MYNN: variants seen among roughly 807,000 people sequenced by gnomAD.
MYNN encodes myoneurin, also known as zinc finger and BTB domain-containing protein 31.
Under a neutral mutation model 57.2 loss-of-function variants are expected in MYNN, and 22 were observed. The observed-to-expected ratio is 0.38, with a 90% CI of 0.27 to 0.55. The LOEUF (loss-of-function observed/expected upper bound fraction) is 0.55. Among genes scored for constraint, MYNN ranks in the 20% least tolerant of loss-of-function variants. The pLI, the probability that MYNN is intolerant of heterozygous loss-of-function variation, is 0.71. For missense variants in MYNN, 566 were observed against 723.1 expected, an observed-to-expected ratio of 0.78 and a Z score of 2.49; for synonymous variants, 241 against 257.1, an observed-to-expected ratio of 0.94 and a Z score of 0.60.
At chr3:169,784,029 G>A (rs897880205) in intron 6 of MYNN, among the ~76,000 whole-genome samples, 1 of 151,956 alleles carries the variant, frequency 6.6e-6, no homozygotes, top group Non-Finnish European at 1.5e-5. Flanking sequence ...CTTTGAAAGA[G>A]TACTGTTCTG....
chr3:169,786,358 C>A, intron 7 of MYNN, 58 bp from the exon 8 acceptor site: 2 of 1,507,912 alleles, frequency 1.3e-6, no homozygotes, highest in Non-Finnish European at 1.8e-6. Flanking sequence ...ATTAGTCTAC[C>A]TCAGGGGTTT....
intron 2 of MYNN, among the ~76,000 whole-genome samples, chr3:169,775,500 T>C (rs868098562): frequency 2.0e-5 from 3 of 152,186 alleles, no homozygotes; most frequent in African/African-American, 7.2e-5. Context: ...TCAGTCGCTA[T>C]GTCTCCTTGA....
intron 4 of MYNN, among the ~76,000 whole-genome samples, chr3:169,781,925 T>A (rs1431037994): frequency 6.6e-6 from 1 of 152,010 alleles, no homozygotes; most frequent in Non-Finnish European, 1.5e-5. Context: ...TTTTTTAATA[T>A]GGGAGACATC....
chr3:169,779,012 GC>G lies in MYNN; in HGVS notation c.512del (p.Ala171GlyfsTer2). The G allele has an allele frequency of 6.2e-7, 1 of 1,613,870 alleles. No homozygotes were observed. The stretch of plus-strand genomic sequence containing the variant: ...GATTCAGGCAAATCCTAAACAAGGC[GC>G]GTTAGCGAAAAAGTCATCTCAAACG... Reference protein sequence around the residue: ...DLIQANPKQGALAKKSSQTKK... With the variant: ...DLIQANPKQGXLAKKSSQTKK... On this transcript the variant is annotated frameshift_variant, in exon 3 of 8. Coordinates refer to ENST00000349841, the MANE Select transcript of MYNN (RefSeq NM_018657.5). LOFTEE classifies it high-confidence loss of function.
Position 169,782,583 on chromosome 3 carries a change from A to G in MYNN, c.1339A>G (p.Thr447Ala), listed in dbSNP as rs769871340. 6.2e-7 allele frequency: 1 copy of G among 1,614,016 alleles called. No homozygotes were observed. Among genetic ancestry groups the G allele is most frequent in the Non-Finnish European group, 8.5e-7 (1 of 1,179,910 alleles). The part of the protein sequence containing the change: ...HTGEKPYVCD[T>A]CGKAFAVSSS... Reference sequence around the variant, plus strand: ...TGGAGAAAAGCCTTATGTATGTGATACCTGTGGGAAGGCATTTGCTGTCTC... The same window carrying G: ...TGGAGAAAAGCCTTATGTATGTGATGCCTGTGGGAAGGCATTTGCTGTCTC... The change falls in exon 5 of 8, where the codon ACC becomes GCC. Residue 447 changes from threonine to alanine, a missense_variant. By Grantham distance (58) the Thr-to-Ala change is moderately conservative (BLOSUM62 0). This residue lies in a region of MYNN where 123 missense variants were observed against 222.6 expected (regional missense o/e 0.55). Transcript: ENST00000349841. This position sits in a 1 kb window ranked among gnomAD's most constrained non-coding sequence, Gnocchi z 4.8.
At position 169,782,705 on chromosome 3, in the gene MYNN, G is replaced by C; in HGVS notation, c.1399+62G>C. 1 of 1,386,918 alleles carries C rather than the reference G, an allele frequency of 7.2e-7. No homozygotes were observed. The highest frequency in any genetic ancestry group is 1.5e-5 in the African/African-American group (1 of 68,410). 85.9% of individuals were successfully genotyped at this position (1,386,918 alleles called of 1,614,324 possible). ...TATAAATAAAAGAAAAAGGGGACTT[G>C]GGCCTTTTAGCGAAGTAGATCGGAA... is the stretch of plus-strand genomic sequence containing the variant. On this transcript the variant is annotated intron_variant, in intron 5 of 7. Coordinates refer to ENST00000349841, the MANE Select transcript of MYNN (RefSeq NM_018657.5). This position sits in a 1 kb window ranked among gnomAD's most constrained non-coding sequence, Gnocchi z 4.8.
At position 169,786,768 on chromosome 3, in the gene MYNN, T is replaced by G; in HGVS notation, c.*90T>G. The stretch of plus-strand genomic sequence containing the variant: ...TATTCATATTAAATTCCCATTCATT[T>G]GAGTTGTGACCATTATTTTTCATTC... On this transcript the variant is annotated 3_prime_UTR_variant, in exon 8 of 8. Coordinates refer to ENST00000349841, the MANE Select transcript of MYNN (RefSeq NM_018657.5). The G allele has an allele frequency of 2.3e-6, 3 of 1,317,710 alleles. No individual in the cohort carries two copies. The South Asian group carries it at 4.3e-5, about 19-fold the overall frequency. 81.6% of individuals were successfully genotyped at this position (1,317,710 alleles called of 1,614,324 possible).
At chr3:169,778,558 ATC>A in intron 2 of MYNN, 2 of 459,128 alleles carry the variant, frequency 4.4e-6, no homozygotes, top group South Asian at 8.4e-5. Context: ...AATAGCCATT[ATC>A]TTTCATCTCT....
chr3:169,775,697 A>G (rs1778317506), intron 2 of MYNN, among the ~76,000 whole-genome samples: 1 of 152,204 alleles, frequency 6.6e-6, no homozygotes, highest in African/African-American at 2.4e-5. Flanking sequence ...AAAAATAGAA[A>G]AAACAAAAAA....
chr3:169,786,360 C>T (rs1778676448), intron 7 of MYNN, 56 bp from the exon 8 acceptor site: 3 of 1,514,644 alleles, frequency 2.0e-6, no homozygotes, highest in South Asian at 1.2e-5. Flanking sequence ...TAGTCTACCT[C>T]AGGGGTTTAG....
rs1778545405 is a variant in MYNN, at chr3:169,782,394, A to T, written c.1221-71A>T. ...ATGACATGAAATAAAATCTATAAAA[A>T]ACTTTATGAATTCTTGCTATATAGA... On this transcript the variant is annotated intron_variant, in intron 4 of 7. Coordinates refer to ENST00000349841, the MANE Select transcript of MYNN (RefSeq NM_018657.5). The surrounding 1 kb of genome is among the most constrained non-coding windows in gnomAD (Gnocchi z 4.8). The T allele has an allele frequency of 9.5e-6, 12 of 1,268,478 alleles. No homozygotes were observed. The highest frequency in any genetic ancestry group is 1.3e-5 in the Non-Finnish European group (12 of 920,578). The allele number at this position is 1,268,478 out of a possible 1,614,324, so 78.6% of individuals were successfully genotyped here.
At chr3:169,781,911 G>GT (rs1048811122) in intron 4 of MYNN, among the ~76,000 whole-genome samples, 9 of 151,394 alleles carry the variant, frequency 5.9e-5, no homozygotes, top group Non-Finnish European at 1.0e-4. Context: ...TTTGTTTTTG[G>GT]TTTTTTTTTA....
rs1422419927 is a variant in MYNN at position 169,786,497 on chromosome 3, A to C, written c.1652A>C (p.Glu551Ala). ...QDSIQKSPLS[E>A]TMDVKPSDMT... ...TCCATACAAAAAAGTCCTTTATCAG[A>C]AACTATGGATGTGAAGCCTTCTGAT... The change falls in exon 8 of 8, where the codon GAA becomes GCA. Residue 551 changes from glutamate to alanine, a missense_variant. Physicochemically the swap from Glu to Ala is moderately radical, Grantham distance 107. Coordinates refer to ENST00000349841, the MANE Select transcript of MYNN (RefSeq NM_018657.5). The C allele has an allele frequency of 3.1e-6, 5 of 1,613,600 alleles. No individual in the cohort carries two copies. The highest frequency in any genetic ancestry group is 4.2e-6 in the Non-Finnish European group (5 of 1,179,650).
At chr3:169,780,360 A>G in intron 3 of MYNN, 1 of 352,736 alleles carries the variant, frequency 2.8e-6, no homozygotes, top group South Asian at 6.2e-5. Flanking sequence ...GCCCAGCCCT[A>G]GATTCGTACT....
rs1271437217 is a variant in MYNN at position 169,782,687 on chromosome 3, AAAAG to A, written c.1399+48_1399+51del. On this transcript the variant is annotated intron_variant, in intron 5 of 7. Transcript: ENST00000349841. The surrounding 1 kb of genome is among the most constrained non-coding windows in gnomAD (Gnocchi z 4.8). ...GACTGCTTAAAATAAAGTTATAAATAAAAGAAAAAGGGGACTTGGGCCTTTTAGC... is the reference window on the plus strand; with the variant it reads ...GACTGCTTAAAATAAAGTTATAAATAAAAAAGGGGACTTGGGCCTTTTAGC... The A allele has an allele frequency of 1.9e-6, 3 of 1,540,724 alleles. No individual in the cohort carries two copies. The East Asian group carries it at 6.8e-5, about 35-fold the overall frequency.
intron 7 of MYNN, 68 bp from the exon 8 acceptor site, chr3:169,786,348 A>C: frequency 6.9e-7 from 1 of 1,450,288 alleles, no homozygotes; most frequent in Non-Finnish European, 9.4e-7. Context: ...TGGTAAGTAC[A>C]TTAGTCTACC....
intron 5 of MYNN, 44 bp from the exon 6 acceptor site, chr3:169,783,433 A>T: frequency 9.6e-7 from 1 of 1,042,392 alleles, no homozygotes; most frequent in Non-Finnish European, 1.5e-6. Context: ...TAAATATTAT[A>T]TTGGTATAGT....
rs565889911 is a variant in MYNN at position 169,775,521 on chromosome 3, A to G, written c.266+960A>G. Among the ~76,000 whole-genome samples, 20 of 152,232 alleles carry G rather than the reference A, an allele frequency of 1.3e-4. 1 individual carries two copies. The highest frequency in any genetic ancestry group is 3.9e-4 in the East Asian group (2 of 5,190). On this transcript the variant is annotated intron_variant, in intron 2 of 7. Coordinates refer to ENST00000349841, the MANE Select transcript of MYNN (RefSeq NM_018657.5). ...GCTATGTCTCCTTGAGCATGATGCA[A>G]TCTCTCTGGGCCTCAGTTTCCCCAT...
At chr3:169,773,797 G>T (rs527873862) in intron 1 of MYNN, among the ~76,000 whole-genome samples, 4 of 152,194 alleles carry the variant, frequency 2.6e-5, no homozygotes, top group African/African-American at 4.8e-5. Flanking sequence ...GCGCATTCCC[G>T]GCTTTCTGGG....
Sources: gnomAD v4.1 joint callset for allele counts (sites outside exome capture counted in the v4.1 genomes callset) on GRCh38, gnomAD v4.1.1 for gene constraint, gnomAD v4.1.1 regional missense constraint, Gnocchi (gnomAD v3.1) non-coding constraint, MANE v1.5 for transcripts, NCBI Gene and HGNC (gene_info 2026-07-23, HGNC 2026-07-21) for gene names.